ZFHX3: variants seen among roughly 807,000 people sequenced by gnomAD.
ZFHX3 encodes zinc finger homeobox 3, also known as zinc finger homeobox protein 3.
A neutral mutation model predicts 279.1 loss-of-function variants in ZFHX3; 42 were observed. The ratio of observed to expected loss-of-function variants is 0.15; its 90% CI spans 0.12 to 0.19. The LOEUF is 0.19. Among genes scored for constraint, ZFHX3 ranks in the 10% least tolerant of loss-of-function variants. ZFHX3 has a pLI of 1.00. For missense variants in ZFHX3, 4,981 were observed against 4,754.0 expected, an observed-to-expected ratio of 1.05 and a Z score of -1.40; for synonymous variants, 2,293 against 1,957.8, an observed-to-expected ratio of 1.17 and a Z score of -4.52.
chr16:73,568,692 G>A (rs1243930503), intron 2 of ZFHX3, among the ~76,000 whole-genome samples: 4 of 152,180 alleles, frequency 2.6e-5, no homozygotes, highest in Non-Finnish European at 5.9e-5. Context: ...TTGCCATTGT[G>A]CGAGGCTGCA....
chr16:72,911,941 T>C (rs1489050996), intron 3 of ZFHX3, among the ~76,000 whole-genome samples: 1 of 152,242 alleles, frequency 6.6e-6, no homozygotes, highest in African/African-American at 2.4e-5. Context: ...CTCCGGACTC[T>C]CTCAGCTAGT....
intron 1 of ZFHX3, among the ~76,000 whole-genome samples, chr16:73,835,331 C>T (rs1013338519): frequency 4.6e-5 from 7 of 152,022 alleles, no homozygotes; most frequent in South Asian, 2.1e-4. Flanking sequence ...AGAGTTGATA[C>T]CCTCCAGGTA....
intron 1 of ZFHX3, among the ~76,000 whole-genome samples, chr16:73,028,902 T>C (rs1242210904): frequency 6.6e-6 from 1 of 152,242 alleles, no homozygotes; most frequent in Non-Finnish European, 1.5e-5. Context: ...CAAACTGCTC[T>C]GAAAGCCAGG....
intron 3 of ZFHX3, among the ~76,000 whole-genome samples, chr16:73,404,778 T>C (rs1756841161): frequency 1.3e-5 from 2 of 152,244 alleles, no homozygotes; most frequent in Non-Finnish European, 2.9e-5. Flanking sequence ...AGCCATGCTC[T>C]TAGCAGCTTG....
intron 3 of ZFHX3, chr16:73,401,333 A>C (rs2017246782): frequency 6.7e-6 from 1 of 148,652 alleles, no homozygotes; most frequent in African/African-American, 2.5e-5. Context: ...CAGCCGATAA[A>C]ACCCACAGGT....
At chr16:73,772,569 T>C (rs1226150656) in intron 1 of ZFHX3, among the ~76,000 whole-genome samples, 2 of 152,330 alleles carry the variant, frequency 1.3e-5, no homozygotes, top group Admixed American at 1.3e-4. Context: ...ATCTACTTTC[T>C]GCCGTAGGTG....
chr16:72,925,310 G>A (rs950983306), intron 3 of ZFHX3, among the ~76,000 whole-genome samples: 27 of 152,288 alleles, frequency 1.8e-4, no homozygotes, highest in Admixed American at 1.7e-3. Flanking sequence ...AGTCAACTGC[G>A]CTTTTACCCT....
chr16:72,959,564 G>A lies in ZFHX3; in HGVS notation c.582C>T (p.Ile194=). Residue 194 remains isoleucine (I), a synonymous_variant, in exon 2 of 10, where the codon ATC becomes ATT. Transcript: ENST00000268489. ...ATGAGGCTATGTGGAAAGTGTTGAT[G>A]ATCTGCGGGTACACGGGTGCAGCAC... ...PSCAAPVYPQ[I]INTFHIASSF... The A allele has an allele frequency of 6.2e-7, 1 of 1,614,246 alleles. No individual in the cohort carries two copies. The highest frequency in any genetic ancestry group is 8.5e-7 in the Non-Finnish European group (1 of 1,180,050).
At chr16:73,295,151 C>G (rs1204754903) in intron 4 of ZFHX3, among the ~76,000 whole-genome samples, 1 of 151,866 alleles carries the variant, frequency 6.6e-6, no homozygotes, top group African/African-American at 2.4e-5. Flanking sequence ...GGAGGCGGAG[C>G]TTGCAGTGAG....
intron 4 of ZFHX3, among the ~76,000 whole-genome samples, chr16:72,867,374 T>C (rs1269512238): frequency 6.6e-6 from 1 of 152,256 alleles, no homozygotes; most frequent in East Asian, 1.9e-4. Context: ...AAGTGCACTC[T>C]GTCTAATCCT....
At chr16:73,739,205 C>A (rs1187505958) in intron 1 of ZFHX3, among the ~76,000 whole-genome samples, 1 of 152,268 alleles carries the variant, frequency 6.6e-6, no homozygotes, top group Non-Finnish European at 1.5e-5. Context: ...CCTGACTAGG[C>A]TCTGACAGAT....
At chr16:73,671,153 C>T (rs1290954242) in intron 2 of ZFHX3, among the ~76,000 whole-genome samples, 1 of 152,212 alleles carries the variant, frequency 6.6e-6, no homozygotes, top group Non-Finnish European at 1.5e-5. Flanking sequence ...AATGGGAACC[C>T]TTTTGCAGTT....
intron 5 of ZFHX3, among the ~76,000 whole-genome samples, chr16:73,164,452 C>T (rs1361175714): frequency 6.6e-6 from 1 of 152,188 alleles, no homozygotes; most frequent in Non-Finnish European, 1.5e-5. Flanking sequence ...GTAATCCCAG[C>T]ACTTTGGGAG....
chr16:73,737,087 G>A (rs1492563), intron 1 of ZFHX3, among the ~76,000 whole-genome samples: 2,250 of 152,110 alleles, frequency 0.015, 46 homozygotes, highest in African/African-American at 0.051. Context: ...AAGCTGGAGT[G>A]CAGGGGCAGC....
At chr16:73,323,870 TCAACC>T (rs1360788108) in intron 3 of ZFHX3, among the ~76,000 whole-genome samples, 1 of 152,198 alleles carries the variant, frequency 6.6e-6, no homozygotes, top group Non-Finnish European at 1.5e-5. Flanking sequence ...ACAAAAGTGA[TCAACC>T]CATCTGGGCT....
chr16:72,862,160 T>G (rs1177225247), intron 4 of ZFHX3, among the ~76,000 whole-genome samples: 1 of 152,220 alleles, frequency 6.6e-6, no homozygotes, highest in East Asian at 1.9e-4. Context: ...GTTAGGCCAC[T>G]GCTGAATACC....
At chr16:73,529,023 AAT>A (rs1195246487) in intron 2 of ZFHX3, among the ~76,000 whole-genome samples, 7 of 152,232 alleles carry the variant, frequency 4.6e-5, no homozygotes, top group African/African-American at 9.6e-5. Context: ...CAAAGAATAA[AAT>A]ATGAGTTTGC....
At chr16:73,577,267 G>C (rs191692467) in intron 2 of ZFHX3, among the ~76,000 whole-genome samples, 1 of 152,234 alleles carries the variant, frequency 6.6e-6, no homozygotes, top group Admixed American at 6.5e-5. Flanking sequence ...GGAAGTTCAG[G>C]TAGAAACTGT....
intron 1 of ZFHX3, among the ~76,000 whole-genome samples, chr16:72,999,946 GA>G (rs1963434331): frequency 6.6e-6 from 1 of 152,198 alleles, no homozygotes; most frequent in African/African-American, 2.4e-5. Flanking sequence ...GAAACATACA[GA>G]AAACAGTTCA....
Sources: allele counts gnomAD v4.1 joint callset (sites outside exome capture counted in the v4.1 genomes callset), GRCh38; gene constraint gnomAD v4.1.1; transcripts MANE v1.5; gene names NCBI Gene and HGNC (gene_info 2026-07-23, HGNC 2026-07-21).